TRAPPC8: variants seen among roughly 807,000 people sequenced by gnomAD.
The protein encoded by TRAPPC8 is general sporulation gene 1 homolog.
TRAPPC8 carries 54 observed loss-of-function variants against 174.3 expected under a neutral mutation model. The observed-to-expected ratio is 0.31, with a 90% CI of 0.25 to 0.39. TRAPPC8 has a LOEUF of 0.39. TRAPPC8 is among the 10% of genes least tolerant of loss of function. The probability of loss-of-function intolerance (pLI) is 1.00; values close to 1 mark genes in which losing one functional copy is unlikely to be tolerated. For missense variants in TRAPPC8, 1,531 were observed against 1,699.1 expected (o/e 0.90, Z 1.74); for synonymous variants, 630 against 579.9 (o/e 1.09, Z -1.24).
chr18:31,896,736 G>T (rs62095549), intron 11 of TRAPPC8, among the ~76,000 whole-genome samples: 136 of 152,202 alleles, frequency 8.9e-4, no homozygotes, highest in Non-Finnish European at 1.5e-3. Context: ...CAATTCTCCT[G>T]CCTCAGCCTC....
rs759319765 is a variant in TRAPPC8 at position 31,870,937 on chromosome 18, G to A, written c.2246C>T (p.Ala749Val). The change falls in exon 15 of 29, where the codon GCA becomes GTA. Residue 749 changes from alanine to valine, a missense_variant. Coordinates refer to ENST00000283351, the MANE Select transcript of TRAPPC8 (RefSeq NM_014939.5). ...TTCAAGTATATCACCTTCTACAACT[G>A]CAAGTGGAAATCTTGAATTATCTGA... ...SYSDNSRFPL[A>V]VVEEPITVEV... 5 of 1,565,222 alleles carry A rather than the reference G, an allele frequency of 3.2e-6. No homozygotes were observed. Among genetic ancestry groups the A allele is most frequent in the Non-Finnish European group, 4.3e-6 (5 of 1,150,978 alleles).
chr18:31,900,778 T>C (rs1303208032), intron 10 of TRAPPC8, 147 bp downstream of exon 10: 6 of 596,022 alleles, frequency 1.0e-5, no homozygotes, highest in Non-Finnish European at 1.4e-5. Context: ...GAAAAAGGTA[T>C]AATAAAACAC....
At chr18:31,941,392 G>C (rs559731643) in intron 1 of TRAPPC8, among the ~76,000 whole-genome samples, 34 of 152,256 alleles carry the variant, frequency 2.2e-4, no homozygotes, top group African/African-American at 7.9e-4. Flanking sequence ...GCGGTGGGCT[G>C]AGATCGCGCC....
intron 4 of TRAPPC8, 131 bp from the exon 5 acceptor site, chr18:31,913,653 A>G (rs35203717): frequency 0.35 from 240,222 of 679,508 alleles, 45,457 homozygotes; most frequent in Admixed American, 0.51. Context: ...GGAAAAATAT[A>G]AAAGAGGACA....
chr18:31,918,012 G>A (rs1241549671), intron 2 of TRAPPC8, among the ~76,000 whole-genome samples: 1 of 152,040 alleles, frequency 6.6e-6, no homozygotes, highest in African/African-American at 2.4e-5. Context: ...TGTAATCCCA[G>A]CTACTCAGCA....
chr18:31,907,463 G>T lies in TRAPPC8; in HGVS notation c.1386C>A (p.Ala462=). The T allele has an allele frequency of 1.9e-6, 3 of 1,582,656 alleles. No individual in the cohort carries two copies. The highest frequency in any genetic ancestry group is 2.6e-6 in the Non-Finnish European group (3 of 1,162,816). The stretch of plus-strand genomic sequence containing the variant: ...TATAATACCATAGAATACCAACCAA[G>T]GCACCAGCTGCATAAAGCATTGCTT... ...NDQAMLYAAG[A]LEMAAVSAFL... The change falls in exon 9 of 29, where the codon GCC becomes GCA. Residue 462 remains alanine (A), a synonymous_variant. Transcript: ENST00000283351.
intron 20 of TRAPPC8, among the ~76,000 whole-genome samples, chr18:31,856,087 G>A (rs1274060116): frequency 6.6e-6 from 1 of 151,764 alleles, no homozygotes; most frequent in Non-Finnish European, 1.5e-5. Flanking sequence ...ATATGGTAAT[G>A]TTCTGATTGT....
At chr18:31,915,261 G>A (rs10853416) in intron 4 of TRAPPC8, among the ~76,000 whole-genome samples, 48,319 of 149,864 alleles carry the variant, frequency 0.32, 8,903 homozygotes, top group Admixed American at 0.49. Context: ...CTGAGTTCCA[G>A]AGCAGCCTGG....
chr18:31,858,963 C>T (rs113286310), intron 19 of TRAPPC8, among the ~76,000 whole-genome samples: 4,405 of 152,064 alleles, frequency 0.029, 230 homozygotes, highest in African/African-American at 0.099. Flanking sequence ...AAATGAGCCG[C>T]ACGCCTGTGG....
intron 1 of TRAPPC8, chr18:31,939,408 T>C (rs1415359338): frequency 2.0e-5 from 3 of 152,126 alleles, no homozygotes; most frequent in Non-Finnish European, 2.9e-5. Flanking sequence ...AAATCGCAAA[T>C]CCCTTTCCTA....
chr18:31,837,635 T>A (rs1598582323), intron 27 of TRAPPC8, among the ~76,000 whole-genome samples: 1 of 151,940 alleles, frequency 6.6e-6, no homozygotes, highest in Admixed American at 6.6e-5. Context: ...GAGGCAGAGT[T>A]TGCAGTGAGC....
intron 5 of TRAPPC8, among the ~76,000 whole-genome samples, chr18:31,911,388 T>G (rs1341676845): frequency 6.7e-6 from 1 of 150,234 alleles, no homozygotes; most frequent in African/African-American, 2.5e-5. Context: ...GAGGTGGAGG[T>G]TGCAGTGAGC....
At chr18:31,866,649 G>C (rs2034600468) in intron 18 of TRAPPC8, among the ~76,000 whole-genome samples, 200 bp downstream of exon 18, 1 of 152,106 alleles carries the variant, frequency 6.6e-6, no homozygotes, top group African/African-American at 2.4e-5. Flanking sequence ...TATCAGAAGG[G>C]AATCAAGTTG....
At chr18:31,913,009 TC>T (rs1265082242) in intron 5 of TRAPPC8, among the ~76,000 whole-genome samples, 5 of 151,862 alleles carry the variant, frequency 3.3e-5, no homozygotes, top group African/African-American at 1.2e-4. Context: ...GTGCCTGTAA[TC>T]CCATGTACTT....
chr18:31,934,353 T>C (rs1430717790), intron 1 of TRAPPC8, among the ~76,000 whole-genome samples: 2 of 151,990 alleles, frequency 1.3e-5, no homozygotes, highest in African/African-American at 4.8e-5. Context: ...TGATGGAGGG[T>C]TAATATTTGT....
chr18:31,874,614 T>C lies in TRAPPC8; in HGVS notation c.1819A>G (p.Ile607Val), dbSNP rs865865289. 6 of 1,613,970 alleles carry C rather than the reference T, an allele frequency of 3.7e-6. No homozygotes were observed. Among genetic ancestry groups the C allele is most frequent in the Admixed American group, 1.7e-5 (1 of 59,998 alleles). Residue 607 changes from isoleucine (I) to valine (V), a missense_variant, in exon 13 of 29, where the codon ATT becomes GTT. Transcript: ENST00000283351. ...CTAAGAGTATAGGACTGGCGCCCAA[T>C]AGTGAAATTAATGTGATCCTCTGCA... Reference protein sequence around the residue: ...SLAEDHINFTIGRQSYTLRQL... With the variant: ...SLAEDHINFTVGRQSYTLRQL...
At chr18:31,837,207 AT>A (rs2032799446) in intron 27 of TRAPPC8, among the ~76,000 whole-genome samples, 1 of 152,222 alleles carries the variant, frequency 6.6e-6, no homozygotes, top group African/African-American at 2.4e-5. Context: ...TTAGGATAAA[AT>A]TTTTTAAAGA....
chr18:31,901,708 T>C (rs1355234374), intron 9 of TRAPPC8, among the ~76,000 whole-genome samples: 1 of 152,182 alleles, frequency 6.6e-6, no homozygotes, highest in Admixed American at 6.5e-5. Flanking sequence ...AAAGACTGCC[T>C]CCTAAGATTT....
intron 1 of TRAPPC8, among the ~76,000 whole-genome samples, chr18:31,938,136 G>C (rs1369589791): frequency 6.6e-6 from 1 of 151,970 alleles, no homozygotes; most frequent in Non-Finnish European, 1.5e-5. Flanking sequence ...ACATTGTTTA[G>C]AACTATCAAA....
Sources: gnomAD v4.1 joint callset for allele counts (sites outside exome capture counted in the v4.1 genomes callset) on GRCh38, gnomAD v4.1.1 for gene constraint, MANE v1.5 for transcripts, NCBI Gene and HGNC (gene_info 2026-07-23, HGNC 2026-07-21) for gene names.